Variants in ATP8A2 observed in about 807,000 individuals in gnomAD.
ATP8A2 encodes the protein ATPase phospholipid transporting 8A2.
Under a neutral mutation model 165.6 loss-of-function variants are expected in ATP8A2, and 100 were observed. The observed-to-expected ratio is 0.60, with a 90% CI of 0.51 to 0.71. ATP8A2 has a LOEUF of 0.71. ATP8A2 is among the 30% of genes least tolerant of loss of function. The probability of loss-of-function intolerance (pLI) is 0.00; values close to 1 mark genes in which losing one functional copy is unlikely to be tolerated. For missense variants in ATP8A2, 1,227 were observed against 1,479.5 expected, an observed-to-expected ratio of 0.83 and a Z score of 2.80; for synonymous variants, 543 against 548.8, an observed-to-expected ratio of 0.99 and a Z score of 0.15.
At position 26,024,949 on chromosome 13, in the gene ATP8A2, G is replaced by A. The variant is rs987383103; in HGVS notation, c.*4964G>A. ...TGGGGGTCAAGAGAGCTTATCAAGA[G>A]CCTTTTATAGGTAAGCTCTTCCGTG... is the stretch of plus-strand genomic sequence containing the variant. On this transcript the variant is annotated 3_prime_UTR_variant, in exon 37 of 37. Coordinates refer to ENST00000381655, the MANE Select transcript of ATP8A2 (RefSeq NM_016529.6). 1 of 152,036 alleles carries A rather than the reference G, an allele frequency of 6.6e-6. No individual in the cohort carries two copies. Among genetic ancestry groups the A allele is most frequent in the Non-Finnish European group, 1.5e-5 (1 of 68,006 alleles). The allele number at this position is 152,036 out of a possible 1,614,324, so 9.4% of individuals were successfully genotyped here.
In ATP8A2 at chr13:25,393,450, C is replaced by G. The variant is rs1204144379; in HGVS notation, c.76+21162C>G. Among the ~76,000 whole-genome samples the G allele has an allele frequency of 2.6e-5, 4 of 152,186 alleles. No homozygotes were observed. In the East Asian group the frequency reaches 7.7e-4, roughly 29 times the overall value. ...TTGTTTTTTGAGACAGGGTCTCACT[C>G]TGTCACCCAGGCTGGAGTGCAGTGG... On this transcript the variant is annotated intron_variant, in intron 1 of 36. Coordinates refer to ENST00000381655, the MANE Select transcript of ATP8A2 (RefSeq NM_016529.6).
chr13:25,854,223 C>T (rs773192541), intron 30 of ATP8A2, among the ~76,000 whole-genome samples: 15 of 152,184 alleles, frequency 9.9e-5, no homozygotes, highest in Non-Finnish European at 1.6e-4. Flanking sequence ...ATGACCAGAA[C>T]CAGTCTTCTC....
intron 1 of ATP8A2, among the ~76,000 whole-genome samples, chr13:25,389,983 CTTTTGTTTTG>C (rs59233777): frequency 1.5e-4 from 22 of 151,024 alleles, no homozygotes; most frequent in African/African-American, 4.4e-4. Context: ...AATTTTTTGC[CTTTTGTTTTG>C]TTTTGTTTTG....
At chr13:25,620,413 A>C (rs1339647151) in intron 24 of ATP8A2, among the ~76,000 whole-genome samples, 1 of 152,206 alleles carries the variant, frequency 6.6e-6, no homozygotes, top group Admixed American at 6.5e-5. Context: ...ACAAAAGTTA[A>C]GAGCTGAGAG....
intron 2 of ATP8A2, among the ~76,000 whole-genome samples, chr13:25,502,445 T>C (rs774715025): frequency 1.7e-4 from 26 of 152,334 alleles, no homozygotes; most frequent in Middle Eastern, 6.8e-3. Context: ...TGTTCGTTTT[T>C]CTGTGGAGGG....
intron 1 of ATP8A2, among the ~76,000 whole-genome samples, chr13:25,459,818 G>T (rs563888281): frequency 6.6e-6 from 1 of 152,260 alleles, no homozygotes; most frequent in African/African-American, 2.4e-5. Context: ...CAGGAGAGGG[G>T]TCACTGATGT....
intron 18 of ATP8A2, among the ~76,000 whole-genome samples, chr13:25,574,128 G>A (rs539474409): frequency 4.6e-5 from 7 of 152,252 alleles, no homozygotes; most frequent in East Asian, 3.9e-4. Flanking sequence ...AATAGCATGC[G>A]CACCATCTGG....
At chr13:25,725,472 A>G (rs1460167974) in intron 25 of ATP8A2, among the ~76,000 whole-genome samples, 2 of 152,198 alleles carry the variant, frequency 1.3e-5, no homozygotes, top group East Asian at 3.9e-4. Context: ...GACTATTCCC[A>G]AACCTGAGGG....
intron 24 of ATP8A2, among the ~76,000 whole-genome samples, chr13:25,685,590 G>GA (rs1455947032): frequency 1.3e-5 from 2 of 152,196 alleles, no homozygotes; most frequent in African/African-American, 4.8e-5. Flanking sequence ...GGGCATTCAG[G>GA]AGGGCCTCCC....
rs80243545 is a variant in ATP8A2 at position 25,733,342 on chromosome 13, C to T, written c.2384+33997C>T. On this transcript the variant is annotated intron_variant, in intron 25 of 36. Coordinates refer to ENST00000381655, the MANE Select transcript of ATP8A2 (RefSeq NM_016529.6). ...GGAAAACAGTGAAGGAAATAGAAAC[C>T]GCTAATGGTATCACTCTCCTAAGGG... Among the ~76,000 whole-genome samples, 146 of 152,148 alleles carry T rather than the reference C, an allele frequency of 9.6e-4. 3 individuals carry two copies. The East Asian group carries it at 0.024, about 25-fold the overall frequency.
At chr13:25,548,582 G>T (rs1227252652) in intron 10 of ATP8A2, among the ~76,000 whole-genome samples, 1 of 152,192 alleles carries the variant, frequency 6.6e-6, no homozygotes, top group African/African-American at 2.4e-5. Flanking sequence ...GACCTGGCCT[G>T]CTGGCCCTTA....
chr13:25,467,047 CCAGA>C (rs769463591), intron 1 of ATP8A2, among the ~76,000 whole-genome samples: 2 of 152,184 alleles, frequency 1.3e-5, no homozygotes, highest in Non-Finnish European at 2.9e-5. Context: ...AGCTGGTGGG[CCAGA>C]CAGTCTGGAA....
At chr13:25,426,011 A>G (rs1208581333) in intron 1 of ATP8A2, among the ~76,000 whole-genome samples, 4 of 152,194 alleles carry the variant, frequency 2.6e-5, no homozygotes, top group Non-Finnish European at 5.9e-5. Context: ...CCACTCACCT[A>G]CTGGAGGACA....
At chr13:25,615,974 G>T (rs2040812940) in intron 24 of ATP8A2, among the ~76,000 whole-genome samples, 1 of 152,096 alleles carries the variant, frequency 6.6e-6, no homozygotes, top group Non-Finnish European at 1.5e-5. Context: ...TGTTCCTGTG[G>T]TAGTTCTTGG....
intron 25 of ATP8A2, among the ~76,000 whole-genome samples, chr13:25,755,001 T>C (rs217895): frequency 0.99 from 150,208 of 152,314 alleles, 74,101 homozygotes; most frequent in East Asian, 1. Context: ...GTTTTTTGGG[T>C]TTTTTGTTGT....
intron 25 of ATP8A2, among the ~76,000 whole-genome samples, chr13:25,715,497 T>C (rs1262410926): frequency 1.3e-5 from 2 of 152,196 alleles, no homozygotes; most frequent in African/African-American, 4.8e-5. Context: ...TCATTCCCAA[T>C]GTCTCTCCAG....
intron 24 of ATP8A2, among the ~76,000 whole-genome samples, chr13:25,670,556 C>T (rs2042243658): frequency 6.6e-6 from 1 of 152,134 alleles, no homozygotes; most frequent in Non-Finnish European, 1.5e-5. Context: ...AAATGGTTTC[C>T]CATTTTCAGA....
intron 27 of ATP8A2, among the ~76,000 whole-genome samples, chr13:25,823,117 G>A (rs1414666636): frequency 6.6e-6 from 1 of 152,222 alleles, no homozygotes; most frequent in Non-Finnish European, 1.5e-5. Flanking sequence ...TGGAGGAGAT[G>A]CAGTGTTGTC....
intron 27 of ATP8A2, among the ~76,000 whole-genome samples, chr13:25,784,352 A>G (rs1404411877): frequency 2.0e-5 from 3 of 152,128 alleles, no homozygotes; most frequent in Admixed American, 1.3e-4. Context: ...GCACTCTCCC[A>G]CCCTACCTGT....
Sources: gnomAD v4.1 joint callset for allele counts (sites outside exome capture counted in the v4.1 genomes callset) on GRCh38, gnomAD v4.1.1 for gene constraint, MANE v1.5 for transcripts, NCBI Gene and HGNC (gene_info 2026-07-23, HGNC 2026-07-21) for gene names.